The following DACH2 variants were observed in gnomAD, a reference collection of about 807,000 sequenced individuals.
DACH2 encodes the protein dachshund homolog 2.
A neutral mutation model predicts 35.8 loss-of-function variants in DACH2; 17 were observed. The observed-to-expected ratio is 0.48, with a 90% CI of 0.33 to 0.71. The LOEUF is 0.71. Among genes scored for constraint, DACH2 ranks in the 30% least tolerant of loss-of-function variants. DACH2 has a pLI of 0.02. For synonymous variants in DACH2, 195 were observed against 177.3 expected, an observed-to-expected ratio of 1.10 and a Z score of -0.79; for missense variants, 469 against 472.7, an observed-to-expected ratio of 0.99 and a Z score of 0.07.
chrX:86,413,094 T>C (rs2148146810), intron 2 of DACH2, among the ~76,000 whole-genome samples: 1 of 111,442 alleles, frequency 9.0e-6, no homozygotes, highest in African/African-American at 3.3e-5. Context: ...TTTACTGAGG[T>C]AGAAGTTCCC....
At chrX:86,479,864 G>T (rs2037910837) in intron 2 of DACH2, among the ~76,000 whole-genome samples, 1 of 112,131 alleles carries the variant, frequency 8.9e-6, no homozygotes, top group Admixed American at 9.5e-5. Flanking sequence ...TGATAAAATT[G>T]TGAATTCCTT....
At chrX:86,404,765 C>T (rs2036496100) in intron 2 of DACH2, among the ~76,000 whole-genome samples, 1 of 112,429 alleles carries the variant, frequency 8.9e-6, no homozygotes, top group South Asian at 3.7e-4. Context: ...GGCTCCAACC[C>T]CACATTTCCT....
At chrX:86,238,468 G>C (rs1387460423) in intron 1 of DACH2, among the ~76,000 whole-genome samples, 1 of 111,819 alleles carries the variant, frequency 8.9e-6, no homozygotes, top group African/African-American at 3.2e-5. Flanking sequence ...AGGCCAAACT[G>C]GTAGTTTTTC....
intron 4 of DACH2, among the ~76,000 whole-genome samples, chrX:86,667,633 CT>C (rs1023610656): frequency 9.4e-6 from 1 of 106,857 alleles, no homozygotes; most frequent in African/African-American, 3.4e-5. Flanking sequence ...AGGCCCTGGT[CT>C]TAACCACTTT....
At chrX:86,701,973 GT>G (rs1448370862) in intron 5 of DACH2, among the ~76,000 whole-genome samples, 2 of 108,986 alleles carry the variant, frequency 1.8e-5, no homozygotes, top group Non-Finnish European at 3.8e-5. Context: ...ATGACACACA[GT>G]TTACCTATAT....
intron 3 of DACH2, among the ~76,000 whole-genome samples, chrX:86,613,296 T>C (rs1278485717): frequency 9.0e-6 from 1 of 111,593 alleles, no homozygotes; most frequent in Non-Finnish European, 1.9e-5. Context: ...AACTTTCTAG[T>C]TCCTGTCAGT....
intron 1 of DACH2, among the ~76,000 whole-genome samples, chrX:86,332,894 G>A (rs1488545231): frequency 1.8e-5 from 2 of 111,713 alleles, no homozygotes; most frequent in Non-Finnish European, 3.8e-5. Flanking sequence ...GATAATAAAA[G>A]TATGTGTGTA....
At chrX:86,178,844 G>A (rs2031388181) in intron 1 of DACH2, among the ~76,000 whole-genome samples, 2 of 111,709 alleles carry the variant, frequency 1.8e-5, no homozygotes, top group Admixed American at 1.9e-4. Context: ...ACCAAGAAAT[G>A]TGAACACACA....
chrX:86,412,186 G>T (rs187134586), intron 2 of DACH2, among the ~76,000 whole-genome samples: 125 of 111,202 alleles, frequency 1.1e-3, no homozygotes, highest in African/African-American at 3.9e-3. Context: ...TGGGATTGTT[G>T]TGTCTCCTGG....
At chrX:86,459,618 C>T (rs1336940817) in intron 2 of DACH2, among the ~76,000 whole-genome samples, 1 of 111,476 alleles carries the variant, frequency 9.0e-6, no homozygotes, top group Non-Finnish European at 1.9e-5. Context: ...TTTGTCACCT[C>T]TATTTTCTTA....
chrX:86,584,858 C>T (rs1425328507), intron 3 of DACH2, among the ~76,000 whole-genome samples: 1 of 111,006 alleles, frequency 9.0e-6, no homozygotes, highest in Non-Finnish European at 1.9e-5. Context: ...TCCTTATGTC[C>T]ATAAGTGCCC....
Position 86,461,553 on chromosome X carries a change from A to C in DACH2, c.528-52726A>C, listed in dbSNP as rs753682761. 1.3e-4 allele frequency among the ~76,000 whole-genome samples: 14 copies of C among 111,227 alleles called. No homozygotes were observed. In the East Asian group the frequency reaches 3.9e-3, roughly 31 times the overall value. Reference sequence around the variant, plus strand: ...TAGAAGTGATATTACACCTCAGAAAAGGGGTAATGCATCTTTAAAAGCTAA... The same window carrying C: ...TAGAAGTGATATTACACCTCAGAAACGGGGTAATGCATCTTTAAAAGCTAA... On this transcript the variant is annotated intron_variant, in intron 2 of 11. Transcript: ENST00000373125.
intron 1 of DACH2, among the ~76,000 whole-genome samples, chrX:86,357,612 C>A (rs1467793565): frequency 3.6e-5 from 4 of 112,161 alleles, no homozygotes; most frequent in African/African-American, 6.5e-5. Context: ...TAAGTTAGAA[C>A]AGAGCAATAC....
At chrX:86,770,565 AG>A (rs962777554) in intron 7 of DACH2, among the ~76,000 whole-genome samples, 9 of 109,466 alleles carry the variant, frequency 8.2e-5, no homozygotes, top group African/African-American at 3.0e-4. Context: ...TCCTTTACTC[AG>A]AGATAGCCAG....
chrX:86,710,590 G>A (rs1011202953), intron 5 of DACH2, among the ~76,000 whole-genome samples: 12 of 111,434 alleles, frequency 1.1e-4, no homozygotes, highest in African/African-American at 3.6e-4. Context: ...AAAGGAAGGG[G>A]TATTTATATA....
chrX:86,430,511 T>C (rs1269026095), intron 2 of DACH2, among the ~76,000 whole-genome samples: 1 of 112,647 alleles, frequency 8.9e-6, no homozygotes, highest in East Asian at 2.8e-4. Context: ...GGTATGTCTT[T>C]CTACGTGACA....
At chrX:86,691,208 G>A (rs772530445) in intron 4 of DACH2, among the ~76,000 whole-genome samples, 1 of 111,478 alleles carries the variant, frequency 9.0e-6, no homozygotes, top group Non-Finnish European at 1.9e-5. Flanking sequence ...TGACAAATGT[G>A]CATACTTTAG....
At chrX:86,577,139 A>C (rs2148336878) in intron 3 of DACH2, among the ~76,000 whole-genome samples, 1 of 112,087 alleles carries the variant, frequency 8.9e-6, no homozygotes, top group South Asian at 3.6e-4. Context: ...TAAAGCATCT[A>C]ATTTAGATAC....
intron 3 of DACH2, among the ~76,000 whole-genome samples, chrX:86,562,229 G>T (rs932586844): frequency 9.1e-6 from 1 of 110,454 alleles, no homozygotes; most frequent in Non-Finnish European, 1.9e-5. Flanking sequence ...GGTGACACAT[G>T]TTTTTTGTTT....
Sources: allele counts gnomAD v4.1 joint callset (sites outside exome capture counted in the v4.1 genomes callset), GRCh38; gene constraint gnomAD v4.1.1; transcripts MANE v1.5; gene names NCBI Gene and HGNC (gene_info 2026-07-23, HGNC 2026-07-21).